Variants in ROBO2 observed in about 807,000 individuals in gnomAD.
The protein encoded by ROBO2 is roundabout guidance receptor 2, also known as roundabout homolog 2.
ROBO2 carries 53 observed loss-of-function variants against 160.8 expected under a neutral mutation model. The observed-to-expected ratio is 0.33, with a 90% CI of 0.26 to 0.41. ROBO2 has a LOEUF of 0.41. Ranked by LOEUF, ROBO2 falls within the 10% of genes least tolerant of loss-of-function variation. ROBO2 has a pLI of 1.00. For synonymous variants in ROBO2, 664 were observed against 611.7 expected (o/e 1.09, Z -1.26); for missense variants, 1,577 against 1,722.4 (o/e 0.92, Z 1.49).
chr3:76,438,166 C>T (rs2076767308), intron 2 of ROBO2, among the ~76,000 whole-genome samples: 1 of 152,018 alleles, frequency 6.6e-6, no homozygotes, highest in African/African-American at 2.4e-5. Flanking sequence ...TATTCTCTGG[C>T]AAGTACTGAG....
intron 2 of ROBO2, among the ~76,000 whole-genome samples, chr3:76,321,872 C>A (rs2072556316): frequency 6.6e-6 from 1 of 151,998 alleles, no homozygotes. Context: ...AACTTTCTTA[C>A]CGGTCACCCT....
At position 75,983,557 on chromosome 3, in the gene ROBO2, CGTT is replaced by C. The variant is rs752775385; in HGVS notation, c.109+45958_109+45960del. 5.9e-5 allele frequency among the ~76,000 whole-genome samples: 9 copies of C among 151,464 alleles called. No homozygotes were observed. In the East Asian group the frequency reaches 1.7e-3, roughly 29 times the overall value. ...TGATTTGATGGTATCTAACATTTGA[CGTT>C]GTGTTCTAAAAAACTGAATTGTGCC... On this transcript the variant is annotated intron_variant, in intron 2 of 26. Transcript: ENST00000487694.
chr3:77,092,088 T>C (rs2070368321), intron 1 of ROBO2: 1 of 151,680 alleles, frequency 6.6e-6, no homozygotes, highest in Non-Finnish European at 1.5e-5. Context: ...ATACCAAAAT[T>C]GAAGCAATAC....
chr3:76,351,889 A>G (rs1025608554), intron 2 of ROBO2, among the ~76,000 whole-genome samples: 1 of 152,016 alleles, frequency 6.6e-6, no homozygotes, highest in Non-Finnish European at 1.5e-5. Context: ...ATTGTTGTGA[A>G]GGTAAAATCA....
intron 2 of ROBO2, among the ~76,000 whole-genome samples, chr3:76,272,202 G>T (rs149507245): frequency 3.9e-5 from 6 of 151,976 alleles, no homozygotes; most frequent in African/African-American, 1.2e-4. Context: ...GTAAAGTAGC[G>T]CTTGTCAAGC....
chr3:76,090,768 G>A (rs1325847852), intron 2 of ROBO2, among the ~76,000 whole-genome samples: 1 of 152,138 alleles, frequency 6.6e-6, no homozygotes, highest in Admixed American at 6.5e-5. Flanking sequence ...GAACGGAACG[G>A]AACGGGAGAG....
intron 2 of ROBO2, among the ~76,000 whole-genome samples, chr3:76,907,780 C>T (rs2075699139): frequency 6.6e-6 from 1 of 151,326 alleles, no homozygotes; most frequent in African/African-American, 2.4e-5. Context: ...GAGGAAATGA[C>T]CCTCATGGAT....
At chr3:77,332,705 A>C (rs2066098339) in intron 2 of ROBO2, among the ~76,000 whole-genome samples, 2 of 152,232 alleles carry the variant, frequency 1.3e-5, no homozygotes, top group South Asian at 2.1e-4. Flanking sequence ...TTAATTCCAA[A>C]AGATGTAGTA....
intron 2 of ROBO2, among the ~76,000 whole-genome samples, chr3:76,370,039 G>A (rs947579892): frequency 2.6e-5 from 4 of 151,896 alleles, no homozygotes; most frequent in Non-Finnish European, 5.9e-5. Context: ...AGTAGATCTC[G>A]ATGAGTGTTT....
intron 2 of ROBO2, among the ~76,000 whole-genome samples, chr3:76,697,458 A>C (rs921763145): frequency 2.0e-5 from 3 of 152,118 alleles, no homozygotes; most frequent in African/African-American, 7.2e-5. Context: ...AGCATGGGAA[A>C]CATGGCAAAA....
chr3:77,392,211 A>G (rs370146363), intron 2 of ROBO2, among the ~76,000 whole-genome samples: 2 of 152,102 alleles, frequency 1.3e-5, no homozygotes, highest in South Asian at 2.1e-4. Context: ...GTGGTCTACC[A>G]TGTATCCTTA....
At chr3:76,947,793 T>C (rs2149151545) in intron 2 of ROBO2, among the ~76,000 whole-genome samples, 1 of 152,374 alleles carries the variant, frequency 6.6e-6, no homozygotes, top group Non-Finnish European at 1.5e-5. Flanking sequence ...CATTCTCATC[T>C]GAACGTACTA....
chr3:77,506,445 C>T (rs528990711), intron 5 of ROBO2, among the ~76,000 whole-genome samples: 15 of 152,070 alleles, frequency 9.9e-5, no homozygotes, highest in Non-Finnish European at 1.0e-4. Context: ...CCTAAATATC[C>T]AGTCCTATGA....
Position 76,212,129 on chromosome 3 carries a change from C to A in ROBO2, c.109+274527C>A, listed in dbSNP as rs967331480. On this transcript the variant is annotated intron_variant, in intron 2 of 26. Coordinates refer to the ROBO2 transcript ENST00000487694. ...ATGTATGTTCTTTAAGTAGGTGAAC[C>A]AGCTAACCTCTCTAATAATATATAA... 2.0e-5 allele frequency among the ~76,000 whole-genome samples: 3 copies of A among 151,724 alleles called. No homozygotes were observed. The South Asian group carries it at 6.3e-4, about 32-fold the overall frequency.
intron 2 of ROBO2, among the ~76,000 whole-genome samples, chr3:75,961,712 C>T (rs1051210899): frequency 6.6e-6 from 1 of 151,286 alleles, no homozygotes; most frequent in African/African-American, 2.4e-5. Flanking sequence ...TCTCATCAAA[C>T]TGAAACTTTT....
At chr3:77,478,597 T>C (rs1429374124) in intron 3 of ROBO2, among the ~76,000 whole-genome samples, 3 of 152,242 alleles carry the variant, frequency 2.0e-5, no homozygotes, top group Non-Finnish European at 4.4e-5. Flanking sequence ...TAGTATGTAA[T>C]TGCTTAACTT....
At chr3:76,166,341 G>A (rs1485168668) in intron 2 of ROBO2, among the ~76,000 whole-genome samples, 1 of 152,134 alleles carries the variant, frequency 6.6e-6, no homozygotes, top group Non-Finnish European at 1.5e-5. Context: ...TGAAAGGCCA[G>A]TTTCTTGAAT....
intron 2 of ROBO2, among the ~76,000 whole-genome samples, chr3:76,106,569 C>G (rs1021528954): frequency 6.6e-6 from 1 of 151,978 alleles, no homozygotes; most frequent in Admixed American, 6.6e-5. Context: ...GATTATGTAC[C>G]TTCAGAGACC....
At chr3:77,017,774 C>A (rs182050260) in intron 2 of ROBO2, among the ~76,000 whole-genome samples, 1 of 151,764 alleles carries the variant, frequency 6.6e-6, no homozygotes, top group Non-Finnish European at 1.5e-5. Context: ...GACCTGCACC[C>A]TAATTTGTAA....
Sources: allele counts gnomAD v4.1 joint callset (sites outside exome capture counted in the v4.1 genomes callset), GRCh38; gene constraint gnomAD v4.1.1; transcripts MANE v1.5; gene names NCBI Gene and HGNC (gene_info 2026-07-23, HGNC 2026-07-21).